TAX1BP1: variants seen among roughly 807,000 people sequenced by gnomAD.
TAX1BP1 encodes the protein Tax1 binding protein 1.
In TAX1BP1, 62 loss-of-function variants were observed where a neutral mutation model predicts 97.7. The ratio of observed to expected loss-of-function variants is 0.63; its 90% CI spans 0.52 to 0.78. TAX1BP1 has a LOEUF of 0.78. TAX1BP1 is among the 30% of genes least tolerant of loss of function. The pLI is 0.00. For synonymous variants in TAX1BP1, 340 were observed against 304.2 expected, an observed-to-expected ratio of 1.12 and a Z score of -1.23; for missense variants, 867 against 916.1, an observed-to-expected ratio of 0.95 and a Z score of 0.69.
rs1471253855 is a variant in TAX1BP1, at chr7:27,787,581, T to G, written c.1016T>G (p.Phe339Cys). Residue 339 changes from phenylalanine to cysteine, a missense_variant, in exon 8 of 17, where the codon TTC (phenylalanine) becomes TGC (cysteine). Physicochemically the swap from Phe to Cys is radical, Grantham distance 205. Transcript: ENST00000396319. Reference protein sequence around the residue: ...LAEKENLQRTFLLTTSSKEDT... With the variant: ...LAEKENLQRTCLLTTSSKEDT... ...GAAAAGGAAAATCTGCAAAGAACTT[T>G]CCTGCTTACAACCTCAAGTAAAGTA... is the stretch of plus-strand genomic sequence containing the variant. 4.3e-6 allele frequency: 7 copies of G among 1,610,936 alleles called. 1 individual carries two copies. Among genetic ancestry groups the G allele is most frequent in the Middle Eastern group, 3.3e-4 (2 of 6,014 alleles).
At chr7:27,791,890 G>A (rs1483942733) in intron 8 of TAX1BP1, 116 bp from the exon 9 acceptor site, 7 of 873,322 alleles carry the variant, frequency 8.0e-6, no homozygotes, top group Non-Finnish European at 1.2e-5. Context: ...TAAGTCATGA[G>A]TAGAAAAACC....
At chr7:27,774,802 TGTGG>T (rs1788968359) in intron 5 of TAX1BP1, among the ~76,000 whole-genome samples, 1 of 152,042 alleles carries the variant, frequency 6.6e-6, no homozygotes, top group South Asian at 2.1e-4. Flanking sequence ...TTATAAATAT[TGTGG>T]GTATTCTGGT....
intron 1 of TAX1BP1, 131 bp from the exon 2 acceptor site, chr7:27,748,387 A>G (rs1294527189): frequency 6.9e-6 from 4 of 580,216 alleles, no homozygotes; most frequent in Non-Finnish European, 1.1e-5. Flanking sequence ...TCCAGTATTT[A>G]CAAAGTATAT....
At chr7:27,768,031 G>A (rs7808062) in intron 4 of TAX1BP1, among the ~76,000 whole-genome samples, 64,184 of 151,528 alleles carry the variant, frequency 0.42, 13,788 homozygotes, top group East Asian at 0.65. Flanking sequence ...CCTTGATTGT[G>A]TCCTAGATTT....
intron 5 of TAX1BP1, among the ~76,000 whole-genome samples, chr7:27,777,799 T>A (rs1789089474): frequency 6.6e-6 from 1 of 152,216 alleles, no homozygotes; most frequent in Non-Finnish European, 1.5e-5. Context: ...AGTAATAAGC[T>A]GGAGCAGTTA....
intron 13 of TAX1BP1, among the ~76,000 whole-genome samples, chr7:27,812,046 GTA>G (rs2128323624): frequency 6.6e-6 from 1 of 152,314 alleles, no homozygotes; most frequent in Admixed American, 6.5e-5. Context: ...TATGGTAAGT[GTA>G]TGTTTTTAAT....
intron 3 of TAX1BP1, among the ~76,000 whole-genome samples, chr7:27,762,983 A>G (rs535603942): frequency 2.0e-5 from 3 of 152,306 alleles, no homozygotes; most frequent in East Asian, 1.9e-4. Context: ...CCTAAATGCA[A>G]TATGTTTTAC....
chr7:27,813,448 A>G (rs1319972510), intron 13 of TAX1BP1, among the ~76,000 whole-genome samples: 1 of 150,634 alleles, frequency 6.6e-6, no homozygotes, highest in Non-Finnish European at 1.5e-5. Context: ...TTGACCTCCC[A>G]GACTCAGGTG....
intron 13 of TAX1BP1, among the ~76,000 whole-genome samples, chr7:27,808,453 C>G (rs931958878): frequency 1.3e-5 from 2 of 152,194 alleles, no homozygotes; most frequent in Non-Finnish European, 2.9e-5. Context: ...AAAAGCACAT[C>G]TAACTAGAGT....
intron 10 of TAX1BP1, among the ~76,000 whole-genome samples, chr7:27,793,427 G>GA (rs1290848366): frequency 2.0e-5 from 3 of 152,030 alleles, no homozygotes; most frequent in Non-Finnish European, 2.9e-5. Flanking sequence ...CAGTAGCAAG[G>GA]AAAAAACAGA....
At chr7:27,810,202 C>T (rs1336913033) in intron 13 of TAX1BP1, among the ~76,000 whole-genome samples, 1 of 151,078 alleles carries the variant, frequency 6.6e-6, no homozygotes, top group East Asian at 1.9e-4. Flanking sequence ...CCACCACGCA[C>T]AGCCCTTTTT....
At chr7:27,781,353 A>G (rs917307515) in intron 5 of TAX1BP1, among the ~76,000 whole-genome samples, 4 of 152,152 alleles carry the variant, frequency 2.6e-5, no homozygotes, top group Admixed American at 6.5e-5. Context: ...ACAAACCTAG[A>G]TAGTATATCC....
intron 13 of TAX1BP1, among the ~76,000 whole-genome samples, chr7:27,806,155 G>A (rs964598797): frequency 6.7e-6 from 1 of 150,250 alleles, no homozygotes; most frequent in Non-Finnish European, 1.5e-5. Flanking sequence ...GCACTAGCTC[G>A]ACTCACTACA....
At chr7:27,792,289 A>G in intron 9 of TAX1BP1, 59 bp downstream of exon 9, 1 of 1,429,718 alleles carries the variant, frequency 7.0e-7, no homozygotes, top group Non-Finnish European at 9.6e-7. Context: ...TAATCTCACA[A>G]AGTAGTAAAT....
chr7:27,828,996 G>A lies in TAX1BP1; in HGVS notation c.*167G>A, dbSNP rs1440638763. 3.9e-6 allele frequency: 2 copies of A among 510,284 alleles called. No homozygotes were observed. The highest frequency in any genetic ancestry group is 6.7e-6 in the Non-Finnish European group (2 of 296,432). The allele number at this position is 510,284 out of a possible 1,614,324, so 31.6% of individuals were successfully genotyped here. A position where few individuals can be genotyped will look rare whatever the true frequency, so the allele number is the denominator to read the frequency against. On this transcript the variant is annotated 3_prime_UTR_variant, in exon 17 of 17. Coordinates refer to ENST00000396319, the MANE Select transcript of TAX1BP1 (RefSeq NM_006024.7). ...TTTGGTGTTACTAGGATCAGGGTCA[G>A]TCTTTGGCTTATCAATAAATTTTAA... is the stretch of plus-strand genomic sequence containing the variant.
chr7:27,763,672 G>A (rs112651605), intron 3 of TAX1BP1, among the ~76,000 whole-genome samples: 24 of 152,070 alleles, frequency 1.6e-4, no homozygotes, highest in Admixed American at 1.3e-4. Context: ...GGAGGCTGAC[G>A]CAGGGGAATT....
At chr7:27,825,959 G>C (rs1174028005) in intron 15 of TAX1BP1, among the ~76,000 whole-genome samples, 1 of 151,694 alleles carries the variant, frequency 6.6e-6, no homozygotes, top group Admixed American at 6.6e-5. Context: ...CAATATTTTG[G>C]ATTTTTTTTT....
chr7:27,776,244 A>C lies in TAX1BP1; in HGVS notation c.612+6410A>C, dbSNP rs1252744945. Among the ~76,000 whole-genome samples the C allele has an allele frequency of 2.6e-5, 4 of 152,198 alleles. No homozygotes were observed. The East Asian group carries it at 5.8e-4, about 22-fold the overall frequency. ...ATTTTAAGGATTCTTATAAAGAACC[A>C]ACCTGGTAAAATGCATAGATAAAGG... On this transcript the variant is annotated intron_variant, in intron 5 of 16. Coordinates refer to ENST00000396319, the MANE Select transcript of TAX1BP1 (RefSeq NM_006024.7).
At chr7:27,760,278 A>G (rs1269403384) in intron 3 of TAX1BP1, among the ~76,000 whole-genome samples, 3 of 152,170 alleles carry the variant, frequency 2.0e-5, no homozygotes, top group Non-Finnish European at 4.4e-5. Flanking sequence ...AAACCAAACT[A>G]TACTAAAATA....
Sources: gnomAD v4.1 joint callset for allele counts (sites outside exome capture counted in the v4.1 genomes callset) on GRCh38, gnomAD v4.1.1 for gene constraint, MANE v1.5 for transcripts, NCBI Gene and HGNC (gene_info 2026-07-23, HGNC 2026-07-21) for gene names.